TBC1D22A: variants seen among roughly 807,000 people sequenced by gnomAD.
TBC1D22A encodes the protein putative GTPase activator.
A neutral mutation model predicts 60.2 loss-of-function variants in TBC1D22A; 38 were observed. The observed-to-expected ratio is 0.63, with a 90% confidence interval of 0.49 to 0.83. TBC1D22A has a LOEUF of 0.83. Ranked by LOEUF, TBC1D22A falls within the 40% of genes least tolerant of loss-of-function variation. The pLI, the probability that TBC1D22A is intolerant of heterozygous loss-of-function variation, is 0.00. For synonymous variants in TBC1D22A, 302 were observed against 281.7 expected, an observed-to-expected ratio of 1.07 and a Z score of -0.72; for missense variants, 628 against 701.0, an observed-to-expected ratio of 0.90 and a Z score of 1.18.
At chr22:46,911,151 G>C (rs370540364) in intron 7 of TBC1D22A, among the ~76,000 whole-genome samples, 39 of 152,232 alleles carry the variant, frequency 2.6e-4, no homozygotes, top group African/African-American at 9.4e-4. Context: ...CTCCTTATGA[G>C]TGAAGATGGG....
At chr22:46,796,977 T>C (rs1030975673) in intron 3 of TBC1D22A, among the ~76,000 whole-genome samples, 4 of 152,228 alleles carry the variant, frequency 2.6e-5, no homozygotes, top group African/African-American at 7.2e-5. Flanking sequence ...GTTCCTGCTG[T>C]GTCCCCACTG....
intron 12 of TBC1D22A, among the ~76,000 whole-genome samples, chr22:47,117,391 G>A (rs2066108859): frequency 3.2e-5 from 1 of 30,856 alleles, no homozygotes; most frequent in Non-Finnish European, 6.7e-5. Context: ...AGCAGGGAGA[G>A]TCACCCCACA....
rs77734116 is a variant in TBC1D22A at position 47,044,578 on chromosome 22, C to T, written c.1329+7380C>T. On this transcript the variant is annotated intron_variant, in intron 11 of 12. Transcript: ENST00000337137. ...TAATGAAGCTGAAGAAGCTGGTCTCCGTACATTGTACTTTCTCATGAGCCC... is the reference window on the plus strand; with the variant it reads ...TAATGAAGCTGAAGAAGCTGGTCTCTGTACATTGTACTTTCTCATGAGCCC... 6.7e-3 allele frequency among the ~76,000 whole-genome samples: 1,024 copies of T among 152,288 alleles called. 18 individuals are homozygous for T. Among genetic ancestry groups the T allele is most frequent in the African/African-American group, 0.024 (985 of 41,548 alleles).
chr22:47,097,853 G>A (rs1407354402), intron 11 of TBC1D22A, among the ~76,000 whole-genome samples: 2 of 152,054 alleles, frequency 1.3e-5, no homozygotes, highest in Non-Finnish European at 2.9e-5. Context: ...GCAGGGGTGG[G>A]CTCCCTGTGC....
intron 4 of TBC1D22A, among the ~76,000 whole-genome samples, chr22:46,836,844 A>G (rs2086544017): frequency 6.6e-6 from 1 of 152,196 alleles, no homozygotes; most frequent in South Asian, 2.1e-4. Context: ...TATATCAGGC[A>G]AAATAGACAT....
Position 46,840,734 on chromosome 22 carries a change from A to C in TBC1D22A, c.638-37919A>C, listed in dbSNP as rs1360597882. On this transcript the variant is annotated intron_variant, in intron 4 of 12. Transcript: ENST00000337137. ...GGTGGCAGAGCGAGACTCTGTCTAC[A>C]AAAAAAAAAAAAAGACAAATGATAA... Among the ~76,000 whole-genome samples the C allele has an allele frequency of 7.7e-3, 1,083 of 141,458 alleles. 23 individuals carry two copies. Among genetic ancestry groups the C allele is most frequent in the Admixed American group, 0.056 (788 of 14,184 alleles). The allele number at this position is 141,458 out of a possible 152,430, so 92.8% of individuals were successfully genotyped here. A position where few individuals can be genotyped will look rare whatever the true frequency, so the allele number is the denominator to read the frequency against.
intron 11 of TBC1D22A, among the ~76,000 whole-genome samples, chr22:47,087,068 T>A (rs991391710): frequency 6.6e-6 from 1 of 152,268 alleles, no homozygotes; most frequent in African/African-American, 2.4e-5. Context: ...GTTGCCTCAC[T>A]GTTTACTGGA....
chr22:46,987,910 A>G (rs1012002347), intron 9 of TBC1D22A, among the ~76,000 whole-genome samples: 1 of 152,184 alleles, frequency 6.6e-6, no homozygotes, highest in Admixed American at 6.5e-5. Context: ...ACTTCTTTCA[A>G]AACCCCGGTC....
At chr22:47,083,285 A>G (rs1324428642) in intron 11 of TBC1D22A, among the ~76,000 whole-genome samples, 1 of 152,078 alleles carries the variant, frequency 6.6e-6, no homozygotes. Flanking sequence ...TGTGTTTTAA[A>G]TTATACATCC....
chr22:46,952,995 TA>T (rs1052506787), intron 8 of TBC1D22A, among the ~76,000 whole-genome samples: 25 of 152,312 alleles, frequency 1.6e-4, no homozygotes, highest in African/African-American at 5.3e-4. Context: ...GTGTTTGCTG[TA>T]AAGTCACTCT....
chr22:47,044,009 C>CTGGGGAGGAGCCTGTCTGAGCGGGGCCGA (rs1569378411), intron 11 of TBC1D22A, among the ~76,000 whole-genome samples: 1 of 26,448 alleles, frequency 3.8e-5, no homozygotes, highest in Non-Finnish European at 6.2e-5. Context: ...CAGGGCAGGG[C>CTGGGGAGGAGCCTGTCTGAGCGGGGCCGA]TCCGCCTTTT....
intron 4 of TBC1D22A, among the ~76,000 whole-genome samples, chr22:46,857,636 C>G (rs551815598): frequency 6.6e-6 from 1 of 152,060 alleles, no homozygotes; most frequent in African/African-American, 2.4e-5. Flanking sequence ...ATCCTGTACC[C>G]ATTAGTAGTC....
rs1286404167 is a variant in TBC1D22A at position 47,141,230 on chromosome 22, AC to A, written c.1425+29629del. On this transcript the variant is annotated intron_variant, in intron 12 of 12. Transcript: ENST00000337137. ...AAAGACCCACCTCCATGATTCAGTG[AC>A]CTCCTGCCGGGCCCCTCCCATGACA... Among the ~76,000 whole-genome samples the A allele has an allele frequency of 2.0e-5, 3 of 152,054 alleles. No homozygotes were observed. In the East Asian group the frequency reaches 5.8e-4, roughly 29 times the overall value.
In TBC1D22A at chr22:46,781,671, C is replaced by A. The variant is rs180912911; in HGVS notation, c.63-10849C>A. 4.0e-3 allele frequency among the ~76,000 whole-genome samples: 614 copies of A among 152,312 alleles called. 5 individuals are homozygous for A. The highest frequency in any genetic ancestry group is 4.2e-3 in the Non-Finnish European group (288 of 68,022). The stretch of plus-strand genomic sequence containing the variant: ...TTGGTTGGGGGTCTTCTCCAGGGCA[C>A]AGCCTCTTGGGGCATCTCTCTGCCG... On this transcript the variant is annotated intron_variant, in intron 1 of 12. Transcript: ENST00000337137.
At chr22:47,084,453 C>T (rs562758535) in intron 11 of TBC1D22A, among the ~76,000 whole-genome samples, 5 of 152,240 alleles carry the variant, frequency 3.3e-5, no homozygotes, top group African/African-American at 9.6e-5. Context: ...GAGTGATCTG[C>T]GGGGTCAGAG....
intron 4 of TBC1D22A, among the ~76,000 whole-genome samples, chr22:46,806,738 T>C (rs2085157261): frequency 6.6e-6 from 1 of 152,154 alleles, no homozygotes; most frequent in African/African-American, 2.4e-5. Flanking sequence ...TGATGGTGAG[T>C]TGTCACCCAA....
intron 10 of TBC1D22A, among the ~76,000 whole-genome samples, chr22:47,004,925 C>A (rs2061533001): frequency 6.6e-6 from 1 of 151,880 alleles, no homozygotes; most frequent in South Asian, 2.1e-4. Flanking sequence ...TACACATACA[C>A]CTACATACAT....
intron 11 of TBC1D22A, among the ~76,000 whole-genome samples, chr22:47,059,966 G>A (rs1376552604): frequency 6.6e-6 from 1 of 152,194 alleles, no homozygotes; most frequent in Non-Finnish European, 1.5e-5. Flanking sequence ...GGCTGCAGGA[G>A]CGTCGCACAG....
intron 9 of TBC1D22A, among the ~76,000 whole-genome samples, chr22:46,992,708 G>A (rs1005367191): frequency 9.2e-5 from 14 of 152,222 alleles, no homozygotes; most frequent in African/African-American, 3.4e-4. Flanking sequence ...CCGCTGGACT[G>A]ATGCGTTAAT....
Sources: allele counts gnomAD v4.1 joint callset (sites outside exome capture counted in the v4.1 genomes callset), GRCh38; gene constraint gnomAD v4.1.1; transcripts MANE v1.5; gene names NCBI Gene and HGNC (gene_info 2026-07-23, HGNC 2026-07-21).